Variants in DACT2 observed in about 807,000 individuals in gnomAD.
DACT2 encodes dapper homolog 2.
In DACT2, 20 loss-of-function variants were observed where a neutral mutation model predicts 22.2. The observed-to-expected ratio is 0.90, with a 90% CI of 0.63 to 1.31. DACT2 has a LOEUF of 1.31. DACT2 is among the 50% of genes most tolerant of loss of function. DACT2 has a pLI of 0.00. For missense variants in DACT2, 1,048 were observed against 1,061.4 expected, an observed-to-expected ratio of 0.99 and a Z score of 0.18; for synonymous variants, 463 against 479.8, an observed-to-expected ratio of 0.96 and a Z score of 0.46.
downstream of DACT2, among the ~76,000 whole-genome samples, chr6:168,303,164 C>T (rs962502102): frequency 3.9e-5 from 6 of 152,070 alleles, no homozygotes; most frequent in Non-Finnish European, 8.8e-5. Context: ...ATTCCAGATG[C>T]GCTCCCGTTT....
At position 168,294,008 on chromosome 6, in the gene DACT2, C is replaced by T. The variant is rs117308704; in HGVS notation, c.796-67G>A. On this transcript the variant is annotated intron_variant, in intron 5 of 5. Transcript: ENST00000366796. ...GTAGAGGAGGTCCATCCAACACGCA[C>T]GTCTGCTACTGCTCTTTGCCTCCCC... The T allele has an allele frequency of 1.1e-3, 760 of 703,190 alleles. 8 individuals carry two copies. In the East Asian group the frequency reaches 0.015, roughly 14 times the overall value. The allele number at this position is 703,190 out of a possible 1,614,324, so 43.6% of individuals were successfully genotyped here.
At chr6:168,304,730 A>G (rs771202451), downstream of DACT2, among the ~76,000 whole-genome samples, 34 of 152,334 alleles carry the variant, frequency 2.2e-4, no homozygotes, top group Admixed American at 6.5e-4. Context: ...AGGAGCTATC[A>G]GCTTCATTTG....
intron 1 of DACT2, among the ~76,000 whole-genome samples, chr6:168,311,551 T>TACATACACACCCATACAC (rs1779404195): frequency 3.1e-5 from 3 of 97,826 alleles, no homozygotes; most frequent in Non-Finnish European, 6.5e-5. Flanking sequence ...CACACACACA[T>TACATACACACCCATACAC]ACACACACTC....
At chr6:168,293,060 T>C (rs1562488739) in exon 6 of DACT2, 1 of 152,160 alleles carries the variant, frequency 6.6e-6, no homozygotes, top group Non-Finnish European at 1.5e-5. Flanking sequence ...GTCTGGACTT[T>C]GTAAAAAAAA....
At chr6:168,316,112 T>C (rs1359427039) in intron 1 of DACT2, among the ~76,000 whole-genome samples, 2 of 152,244 alleles carry the variant, frequency 1.3e-5, no homozygotes, top group Non-Finnish European at 2.9e-5. Flanking sequence ...CAAAAATCTG[T>C]TTGATCTTCT....
intron 3 of DACT2, among the ~76,000 whole-genome samples, chr6:168,300,941 G>A (rs747146058): frequency 5.9e-5 from 9 of 152,164 alleles, no homozygotes; most frequent in African/African-American, 9.7e-5. Flanking sequence ...AGCTGAGTTC[G>A]TGCCACTGCA....
Position 168,316,336 on chromosome 6 carries a change from G to A in DACT2, c.246+3052C>T, listed in dbSNP as rs955093172. 2.4e-4 allele frequency among the ~76,000 whole-genome samples: 27 copies of A among 110,708 alleles called. No individual in the cohort carries two copies. In the South Asian group the frequency reaches 3.2e-3, roughly 13 times the overall value. 72.6% of individuals were successfully genotyped at this position (110,708 alleles called of 152,430 possible). On this transcript the variant is annotated intron_variant, in intron 1 of 3. Coordinates refer to ENST00000366795, the MANE Select transcript of DACT2 (RefSeq NM_214462.5). ...CGCAGAAGCTGCGATTGTGTCTGGT[G>A]CAAACACACAACAGCATCTCAGCAG...
chr6:168,313,991 G>A (rs1045874698), intron 1 of DACT2, among the ~76,000 whole-genome samples: 3 of 151,794 alleles, frequency 2.0e-5, no homozygotes, highest in Non-Finnish European at 2.9e-5. Context: ...CAGGATTCAC[G>A]CCGCGCTTGT....
At chr6:168,297,366 T>C (rs1391634231) in intron 3 of DACT2, among the ~76,000 whole-genome samples, 2 of 151,996 alleles carry the variant, frequency 1.3e-5, no homozygotes, top group Non-Finnish European at 2.9e-5. Context: ...AGTGTGATAA[T>C]CACAGGGGTC....
chr6:168,318,492 A>T (rs572376296), intron 1 of DACT2, among the ~76,000 whole-genome samples: 1 of 152,388 alleles, frequency 6.6e-6, no homozygotes, highest in Non-Finnish European at 1.5e-5. Flanking sequence ...AACAGGACAG[A>T]CTTAAATTTC....
intron 3 of DACT2, among the ~76,000 whole-genome samples, chr6:168,296,865 G>A (rs1381503220): frequency 1.3e-5 from 2 of 152,120 alleles, no homozygotes; most frequent in African/African-American, 4.8e-5. Flanking sequence ...TTATAGACAA[G>A]CCTCAGCTGG....
At chr6:168,311,337 T>C (rs538485069) in intron 1 of DACT2, 53 bp from the exon 2 acceptor site, 4 of 1,487,824 alleles carry the variant, frequency 2.7e-6, no homozygotes, top group Non-Finnish European at 2.7e-6. Context: ...AAAGCAAAAC[T>C]TAAGGCTCAA....
downstream of DACT2, chr6:168,306,882 C>T (rs1243450092): frequency 1.0e-6 from 1 of 988,412 alleles, no homozygotes; most frequent in African/African-American, 1.7e-5. Context: ...ATGTGCCACA[C>T]AAGGAATCAG....
In DACT2 at chr6:168,310,263, C is replaced by G. The variant is rs763428994; in HGVS notation, c.563G>C (p.Arg188Thr). Residue 188 changes from arginine to threonine, a missense_variant, in exon 3 of 4, where the codon AGA (arginine) becomes ACA (threonine). Coordinates refer to ENST00000366795, the MANE Select transcript of DACT2 (RefSeq NM_214462.5). ...SVDETTVPAW[R>T]PQATEEGARP... ...GGCGCCCTCCTCGGTAGCCTGGGGT[C>G]TCCACGCTGGCACAGTAGTCTCATC... 6.4e-7 allele frequency: 1 copy of G among 1,551,408 alleles called. No individual in the cohort carries two copies. The highest frequency in any genetic ancestry group is 8.7e-7 in the Non-Finnish European group (1 of 1,146,984).
In DACT2 at chr6:168,319,604, G is replaced by A; in HGVS notation, c.30C>T (p.Ser10=). Residue 10 remains serine, a synonymous_variant, in exon 1 of 4, where the codon TCC becomes TCT. Coordinates refer to ENST00000366795, the MANE Select transcript of DACT2 (RefSeq NM_214462.5). The part of the protein sequence containing the change: MWTPGGPPG[S]AGWDRRRLGA... ...CCAACCTACGGCGGTCCCAGCCCGC[G>A]GACCCCGGGGGTCCGCCCGGCGTCC... The A allele has an allele frequency of 1.5e-6, 2 of 1,323,960 alleles. No individual in the cohort carries two copies. Among genetic ancestry groups the A allele is most frequent in the South Asian group, 1.8e-5 (1 of 54,358 alleles). The allele number at this position is 1,323,960 out of a possible 1,614,324, so 82.0% of individuals were successfully genotyped here.
At chr6:168,318,042 C>G (rs549533367) in intron 1 of DACT2, among the ~76,000 whole-genome samples, 1 of 118,656 alleles carries the variant, frequency 8.4e-6, no homozygotes, top group African/African-American at 2.8e-5. Context: ...GCAGAAGCTG[C>G]GATTGTGTCT....
chr6:168,309,121 A>C, intron 3 of DACT2, 23 bp from the exon 4 acceptor site: 1 of 1,494,908 alleles, frequency 6.7e-7, no homozygotes, highest in East Asian at 2.5e-5. Context: ...AAAATGAACA[A>C]ACACGTAACT....
At chr6:168,305,006 A>G (rs891998372), downstream of DACT2, among the ~76,000 whole-genome samples, 1 of 152,218 alleles carries the variant, frequency 6.6e-6, no homozygotes, top group Non-Finnish European at 1.5e-5. Context: ...GGCAAACTGA[A>G]ATGCATGTTT....
intron 1 of DACT2, among the ~76,000 whole-genome samples, chr6:168,318,067 A>ACCG (rs1779557236): frequency 1.7e-5 from 1 of 57,396 alleles, no homozygotes. Context: ...CAAACACACA[A>ACCG]CATCTCAGCA....
Sources: allele counts gnomAD v4.1 joint callset (sites outside exome capture counted in the v4.1 genomes callset), GRCh38; gene constraint gnomAD v4.1.1; transcripts MANE v1.5; gene names NCBI Gene and HGNC (gene_info 2026-07-23, HGNC 2026-07-21).